Variants in TAOK1 observed in about 807,000 individuals in gnomAD.
The protein encoded by TAOK1 is serine/threonine-protein kinase TAO1.
TAOK1 carries 21 observed loss-of-function variants against 138.3 expected under a neutral mutation model. That is an observed-to-expected ratio of 0.15 (90% CI 0.11 to 0.22). The LOEUF is 0.22. Among genes scored for constraint, TAOK1 ranks in the 10% least tolerant of loss-of-function variants. The pLI, the probability that TAOK1 is intolerant of heterozygous loss-of-function variation, is 1.00. For missense variants in TAOK1, 651 were observed against 1,227.7 expected (o/e 0.53, Z 7.02); for synonymous variants, 361 against 398.4 (o/e 0.91, Z 1.12).
intron 1 of TAOK1, among the ~76,000 whole-genome samples, chr17:29,395,754 T>G (rs1297057741): frequency 1.3e-5 from 2 of 149,648 alleles, no homozygotes; most frequent in East Asian, 3.9e-4. Context: ...GCCTCCCGGG[T>G]TCAAGTGCTC....
At chr17:29,414,005 C>T (rs1199961968) in intron 1 of TAOK1, among the ~76,000 whole-genome samples, 1 of 150,660 alleles carries the variant, frequency 6.6e-6, no homozygotes, top group Non-Finnish European at 1.5e-5. Context: ...GCCTCAGCCT[C>T]CCTAGTAGCT....
At chr17:29,507,263 T>G (rs201722157) in intron 13 of TAOK1, among the ~76,000 whole-genome samples, 58 of 147,412 alleles carry the variant, frequency 3.9e-4, no homozygotes, top group South Asian at 1.9e-3. Flanking sequence ...AAATTGAGGT[T>G]TTTTTTTTGT....
chr17:29,437,165 G>A (rs1486439985), intron 1 of TAOK1, among the ~76,000 whole-genome samples: 1 of 152,098 alleles, frequency 6.6e-6, no homozygotes, highest in Non-Finnish European at 1.5e-5. Flanking sequence ...CTGGGTTCAA[G>A]CGATTCTCCT....
At chr17:29,485,782 T>C (rs536066852) in intron 8 of TAOK1, among the ~76,000 whole-genome samples, 1 of 152,334 alleles carries the variant, frequency 6.6e-6, no homozygotes, top group East Asian at 1.9e-4. Flanking sequence ...TATAAGTATA[T>C]ATAATTTGAA....
At chr17:29,513,048 A>T in intron 15 of TAOK1, 1 of 98,048 alleles carries the variant, frequency 1.0e-5, no homozygotes, top group Non-Finnish European at 2.1e-5. Flanking sequence ...TATGTCTTTT[A>T]ATTTACCCAC....
intron 11 of TAOK1, among the ~76,000 whole-genome samples, chr17:29,497,714 C>CAAAAAAAAAAAAAAAAAAAA (rs373537264): frequency 9.9e-6 from 1 of 100,726 alleles, no homozygotes; most frequent in Non-Finnish European, 2.1e-5. Context: ...TATTGAAATA[C>CAAAAAAAAAAAAAAAAAAAA]AAAAAAAAAA....
chr17:29,520,823 A>C (rs190610940), intron 16 of TAOK1, among the ~76,000 whole-genome samples: 9 of 151,884 alleles, frequency 5.9e-5, no homozygotes, highest in Non-Finnish European at 1.0e-4. Context: ...CAGGAGATCG[A>C]GACCATCCTG....
intron 1 of TAOK1, among the ~76,000 whole-genome samples, chr17:29,441,769 G>C (rs551912785): frequency 6.6e-6 from 1 of 151,722 alleles, no homozygotes; most frequent in Non-Finnish European, 1.5e-5. Flanking sequence ...CGTGGTGTGC[G>C]CGCCTGTAGT....
In TAOK1 at chr17:29,544,736, C is replaced by A. The variant is rs531693085; in HGVS notation, c.*1714C>A. 4.8e-4 allele frequency: 73 copies of A among 152,270 alleles called. No individual in the cohort carries two copies. Among genetic ancestry groups the A allele is most frequent in the African/African-American group, 1.7e-3 (72 of 41,548 alleles). 9.4% of individuals were successfully genotyped at this position (152,270 alleles called of 1,614,324 possible). The stretch of plus-strand genomic sequence containing the variant: ...TTCAGTGACAAATCAGAGTTTCTTA[C>A]AAGTTATTGTCCTGCTCCCTTCCAA... On this transcript the variant is annotated 3_prime_UTR_variant, in exon 20 of 20. Coordinates refer to ENST00000261716, the MANE Select transcript of TAOK1 (RefSeq NM_020791.4).
At chr17:29,420,070 G>C (rs1267391522) in intron 1 of TAOK1, among the ~76,000 whole-genome samples, 1 of 150,516 alleles carries the variant, frequency 6.6e-6, no homozygotes, top group Admixed American at 6.7e-5. Flanking sequence ...CTTGAGATAG[G>C]GTCTCACTTT....
chr17:29,433,822 C>T (rs1905934491), intron 1 of TAOK1, among the ~76,000 whole-genome samples: 1 of 152,138 alleles, frequency 6.6e-6, no homozygotes. Flanking sequence ...CTCATTTCCC[C>T]TCTAATCTAG....
chr17:29,531,454 A>G (rs977331218), intron 18 of TAOK1, among the ~76,000 whole-genome samples: 5 of 128,364 alleles, frequency 3.9e-5, no homozygotes, highest in African/African-American at 1.2e-4. Context: ...AGAGCTTTGT[A>G]AACTTTTTTT....
chr17:29,404,917 A>G (rs772109190), intron 1 of TAOK1, among the ~76,000 whole-genome samples: 1 of 152,174 alleles, frequency 6.6e-6, no homozygotes, highest in African/African-American at 2.4e-5. Context: ...AGATTTTAGT[A>G]TCCATTATTT....
chr17:29,530,838 T>A, intron 18 of TAOK1: 1 of 570,526 alleles, frequency 1.8e-6, no homozygotes, highest in Non-Finnish European at 3.1e-6. Flanking sequence ...AGGTTCTAAA[T>A]AGGCTCCCTG....
At chr17:29,440,805 A>G (rs549956067) in intron 1 of TAOK1, among the ~76,000 whole-genome samples, 41 of 152,100 alleles carry the variant, frequency 2.7e-4, no homozygotes, top group Non-Finnish European at 5.9e-4. Context: ...TGAACTCCTG[A>G]CCTCAGGTGA....
chr17:29,477,639 C>CT lies in TAOK1; in HGVS notation c.307-18dup, dbSNP rs759255404. 1.6e-5 allele frequency: 21 copies of CT among 1,291,128 alleles called. No individual in the cohort carries two copies. The Admixed American group carries it at 4.5e-4, about 28-fold the overall frequency. 80.0% of individuals were successfully genotyped at this position (1,291,128 alleles called of 1,614,324 possible). ...ATCTTTATAATAATATATTTTAATG[C>CT]TTTTATAACTTTTCCATGTAGCTTG... On this transcript the variant is annotated intron_variant, in intron 4 of 19. Transcript: ENST00000261716.
chr17:29,475,788 C>G lies in TAOK1; in HGVS notation c.306+17C>G. ...ACAGCATGGGTTGGTATTTGTTCTC[C>G]CCTTGTTGCAGTTTTAGCTGATTTT... is the stretch of plus-strand genomic sequence containing the variant. On this transcript the variant is annotated intron_variant, in intron 4 of 19. Coordinates refer to ENST00000261716, the MANE Select transcript of TAOK1 (RefSeq NM_020791.4). 6.3e-7 allele frequency: 1 copy of G among 1,582,814 alleles called. No homozygotes were observed. The highest frequency in any genetic ancestry group is 8.7e-7 in the Non-Finnish European group (1 of 1,153,544).
intron 1 of TAOK1, among the ~76,000 whole-genome samples, chr17:29,393,298 A>C (rs560234328): frequency 6.6e-6 from 1 of 152,340 alleles, no homozygotes; most frequent in South Asian, 2.1e-4. Flanking sequence ...AATAGAGGCT[A>C]CAAAACTTAA....
chr17:29,400,537 C>A (rs1478034661), intron 1 of TAOK1, among the ~76,000 whole-genome samples: 1 of 152,094 alleles, frequency 6.6e-6, no homozygotes. Context: ...CCATGCTCTT[C>A]TACGCATTTT....
Sources: allele counts gnomAD v4.1 joint callset (sites outside exome capture counted in the v4.1 genomes callset), GRCh38; gene constraint gnomAD v4.1.1; transcripts MANE v1.5; gene names NCBI Gene and HGNC (gene_info 2026-07-23, HGNC 2026-07-21).